Variants in FAM107B observed in about 807,000 individuals in gnomAD.
FAM107B encodes the protein family with sequence similarity 107 member B, also known as protein FAM107B.
Under a neutral mutation model 31.5 loss-of-function variants are expected in FAM107B, and 21 were observed. The ratio of observed to expected loss-of-function variants is 0.67; its 90% CI spans 0.47 to 0.96. The LOEUF (loss-of-function observed/expected upper bound fraction) is 0.96, where lower values mean the gene tolerates loss of function less well. FAM107B is among the 40% of genes least tolerant of loss of function. FAM107B has a pLI of 0.00. For missense variants in FAM107B, 452 were observed against 377.1 expected, an observed-to-expected ratio of 1.20 and a Z score of -1.64; for synonymous variants, 157 against 141.5, an observed-to-expected ratio of 1.11 and a Z score of -0.78.
chr10:14,579,542 G>C (rs1409247806), intron 2 of FAM107B, among the ~76,000 whole-genome samples: 4 of 152,122 alleles, frequency 2.6e-5, no homozygotes, highest in Admixed American at 6.5e-5. Flanking sequence ...GCAACCCTGG[G>C]CTTTATCAAG....
rs542736099 is a variant in FAM107B at position 14,757,026 on chromosome 10, G to A, written c.411+17227C>T. 2.6e-5 allele frequency among the ~76,000 whole-genome samples: 4 copies of A among 152,230 alleles called. No homozygotes were observed. The South Asian group carries it at 6.2e-4, about 24-fold the overall frequency. On this transcript the variant is annotated intron_variant, in intron 1 of 4. Transcript: ENST00000181796. ...GGCCTTTTGGAGGGTGGAGCAGGGA[G>A]AGGATCAGGAAAAATAACTAATGGG...
intron 2 of FAM107B, among the ~76,000 whole-genome samples, chr10:14,576,650 A>G (rs1851475931): frequency 6.6e-6 from 1 of 152,246 alleles, no homozygotes; most frequent in Non-Finnish European, 1.5e-5. Flanking sequence ...CACAATTGGA[A>G]CCAAACATTT....
intron 2 of FAM107B, among the ~76,000 whole-genome samples, chr10:14,667,365 A>T (rs1854428727): frequency 6.6e-6 from 1 of 152,244 alleles, no homozygotes; most frequent in Admixed American, 6.5e-5. Flanking sequence ...CATCATTATC[A>T]TCATCTACTT....
chr10:14,762,752 TCTCACACACACACA>T lies in FAM107B; in HGVS notation c.411+11487_411+11500del, dbSNP rs774700398. Among the ~76,000 whole-genome samples, 1,275 of 117,560 alleles carry T rather than the reference TCTCACACACACACA, an allele frequency of 0.011. 66 individuals are homozygous for T. The East Asian group carries it at 0.18, about 16-fold the overall frequency. The allele number at this position is 117,560 out of a possible 152,430, so 77.1% of individuals were successfully genotyped here. The stretch of plus-strand genomic sequence containing the variant: ...GCCTGGGAGACAGAGTGAAACTCTG[TCTCACACACACACA>T]CACACACACACACACACACACACAC... On this transcript the variant is annotated intron_variant, in intron 1 of 4. Coordinates refer to ENST00000181796, the MANE Select transcript of FAM107B (RefSeq NM_031453.4).
chr10:14,585,123 C>T (rs1021631752), intron 2 of FAM107B, among the ~76,000 whole-genome samples: 1 of 152,288 alleles, frequency 6.6e-6, no homozygotes, highest in East Asian at 1.9e-4. Flanking sequence ...ATTCTGTAAC[C>T]GGGCTCTTGA....
At chr10:14,724,349 T>C (rs1855981053) in intron 1 of FAM107B, among the ~76,000 whole-genome samples, 1 of 152,252 alleles carries the variant, frequency 6.6e-6, no homozygotes, top group Non-Finnish European at 1.5e-5. Flanking sequence ...ACACTATTTG[T>C]TGAAACCACT....
chr10:14,627,835 G>C (rs1034528983), intron 2 of FAM107B, among the ~76,000 whole-genome samples: 1 of 152,076 alleles, frequency 6.6e-6, no homozygotes, highest in Non-Finnish European at 1.5e-5. Flanking sequence ...AATCCAACGA[G>C]AGAGTGGCAC....
intron 1 of FAM107B, among the ~76,000 whole-genome samples, chr10:14,717,708 T>A (rs1483827689): frequency 6.6e-6 from 1 of 151,844 alleles, no homozygotes; most frequent in Non-Finnish European, 1.5e-5. Context: ...GGTCTGCTTC[T>A]CCCAGTCGAC....
chr10:14,613,618 A>G (rs1449474137), intron 2 of FAM107B, among the ~76,000 whole-genome samples: 1 of 151,994 alleles, frequency 6.6e-6, no homozygotes, highest in East Asian at 1.9e-4. Flanking sequence ...TCAAATCTAC[A>G]TTTTTCTCTC....
chr10:14,731,936 G>A (rs748168490), intron 1 of FAM107B, among the ~76,000 whole-genome samples: 4 of 152,156 alleles, frequency 2.6e-5, no homozygotes, highest in Admixed American at 1.3e-4. Context: ...ACAGATCCCC[G>A]TTGTTAAGCA....
At chr10:14,713,707 G>A (rs1855714287) in intron 1 of FAM107B, among the ~76,000 whole-genome samples, 1 of 151,906 alleles carries the variant, frequency 6.6e-6, no homozygotes, top group South Asian at 2.1e-4. Context: ...TGTCAACCTT[G>A]AAAAAAACAG....
chr10:14,649,824 T>A (rs1009993973), intron 2 of FAM107B, among the ~76,000 whole-genome samples: 21 of 152,194 alleles, frequency 1.4e-4, no homozygotes, highest in African/African-American at 5.1e-4. Context: ...TCGGAATACA[T>A]CTCTTCAAAT....
At chr10:14,523,546 G>A (rs1845893853) in intron 3 of FAM107B, among the ~76,000 whole-genome samples, 1 of 152,194 alleles carries the variant, frequency 6.6e-6, no homozygotes. Flanking sequence ...GCTGATGACT[G>A]CTAATCTGTA....
In FAM107B at chr10:14,566,047, G is replaced by A. The variant is rs573387673; in HGVS notation, c.470-35532C>T. On this transcript the variant is annotated intron_variant, in intron 2 of 4. Coordinates refer to ENST00000181796, the MANE Select transcript of FAM107B (RefSeq NM_031453.4). ...CCATGCCTGAGGGGCCCTACGCTTC[G>A]TTTAGTGCTTTGCTGTTACCATCTT... 2.4e-4 allele frequency among the ~76,000 whole-genome samples: 36 copies of A among 152,280 alleles called. 1 individual carries two copies. Among genetic ancestry groups the A allele is most frequent in the African/African-American group, 7.5e-4 (31 of 41,574 alleles).
At chr10:14,585,220 CTTTG>C (rs1485148501) in intron 2 of FAM107B, among the ~76,000 whole-genome samples, 3 of 152,174 alleles carry the variant, frequency 2.0e-5, no homozygotes, top group Non-Finnish European at 4.4e-5. Flanking sequence ...TCTTTCCTTG[CTTTG>C]TTTGTGCGTT....
At chr10:14,621,487 G>T (rs1415899229) in intron 2 of FAM107B, among the ~76,000 whole-genome samples, 4 of 152,186 alleles carry the variant, frequency 2.6e-5, no homozygotes, top group African/African-American at 9.7e-5. Context: ...ACATTTTGTG[G>T]CTAGACATAA....
chr10:14,550,096 C>G (rs951883541), intron 2 of FAM107B, among the ~76,000 whole-genome samples: 4 of 152,174 alleles, frequency 2.6e-5, no homozygotes, highest in Admixed American at 1.3e-4. Flanking sequence ...AATACCACTT[C>G]ATTTTAGTGA....
At chr10:14,762,469 G>A (rs895934416) in intron 1 of FAM107B, among the ~76,000 whole-genome samples, 2 of 152,138 alleles carry the variant, frequency 1.3e-5, no homozygotes, top group Non-Finnish European at 2.9e-5. Flanking sequence ...CAGTATTCAA[G>A]AGACGTGACT....
intron 1 of FAM107B, among the ~76,000 whole-genome samples, chr10:14,768,731 G>A (rs1207279963): frequency 6.6e-6 from 1 of 152,170 alleles, no homozygotes; most frequent in Admixed American, 6.5e-5. Flanking sequence ...CTAAGTCCAT[G>A]CTTTCCAACA....
Sources: allele counts gnomAD v4.1 joint callset (sites outside exome capture counted in the v4.1 genomes callset), GRCh38; gene constraint gnomAD v4.1.1; transcripts MANE v1.5; gene names NCBI Gene and HGNC (gene_info 2026-07-23, HGNC 2026-07-21).